RYR2: variants seen among roughly 807,000 people sequenced by gnomAD.
RYR2 encodes ryanodine receptor 2.
Under a neutral mutation model 601.1 loss-of-function variants are expected in RYR2, and 227 were observed. The observed-to-expected ratio is 0.38, with a 90% CI of 0.34 to 0.42. The LOEUF (loss-of-function observed/expected upper bound fraction) is 0.42. Among genes scored for constraint, RYR2 ranks in the 10% least tolerant of loss-of-function variants. The pLI, the probability that RYR2 is intolerant of heterozygous loss-of-function variation, is 1.00. For synonymous variants in RYR2, 2,223 were observed against 2,175.1 expected (o/e 1.02, Z -0.61); for missense variants, 4,646 against 6,156.5 (o/e 0.75, Z 8.21).
chr1:237,665,980 G>T (rs950513595), intron 56 of RYR2, among the ~76,000 whole-genome samples: 1 of 142,600 alleles, frequency 7.0e-6, no homozygotes, highest in African/African-American at 2.5e-5. Flanking sequence ...TGATAAAGAG[G>T]TATATTTCAT....
At chr1:237,756,513 C>T (rs1692967571) in intron 81 of RYR2, 126 bp downstream of exon 81, 1 of 571,196 alleles carries the variant, frequency 1.8e-6, no homozygotes, top group East Asian at 2.9e-5. Flanking sequence ...ATGACTATAT[C>T]AGGTGCCTAT....
chr1:237,301,199 G>A (rs555582116), intron 2 of RYR2, among the ~76,000 whole-genome samples: 2 of 151,976 alleles, frequency 1.3e-5, no homozygotes, highest in South Asian at 4.1e-4. Flanking sequence ...ATTCTACTTA[G>A]AGACTGAAAA....
chr1:237,374,664 A>G, intron 6 of RYR2, 53 bp from the exon 7 acceptor site: 3 of 1,470,488 alleles, frequency 2.0e-6, no homozygotes, highest in Admixed American at 3.8e-5. Context: ...CTCAAACACA[A>G]ACAACAGACG....
chr1:237,793,224 T>A (rs746247174), intron 94 of RYR2, among the ~76,000 whole-genome samples: 15 of 152,200 alleles, frequency 9.9e-5, no homozygotes, highest in Non-Finnish European at 2.2e-4. Context: ...TTCCTCCCGT[T>A]TATTCTGTTT....
At chr1:237,438,586 T>C (rs556718094) in intron 12 of RYR2, among the ~76,000 whole-genome samples, 6 of 152,330 alleles carry the variant, frequency 3.9e-5, no homozygotes, top group African/African-American at 1.4e-4. Flanking sequence ...CCAGCATACA[T>C]AGTCAGCAGA....
intron 1 of RYR2, among the ~76,000 whole-genome samples, chr1:237,208,966 A>ATATATATATATATATG (rs1682186183): frequency 9.4e-6 from 1 of 105,910 alleles, no homozygotes; most frequent in African/African-American, 3.2e-5. Context: ...ATATATATAT[A>ATATATATATATATATG]TATATATATA....
intron 35 of RYR2, among the ~76,000 whole-genome samples, chr1:237,604,173 T>C (rs1220398814): frequency 5.9e-5 from 9 of 152,142 alleles, no homozygotes; most frequent in African/African-American, 1.9e-4. Context: ...TAGTTGGAAG[T>C]AAAGCACTCC....
At chr1:237,217,452 A>G (rs1456173097) in intron 1 of RYR2, among the ~76,000 whole-genome samples, 1 of 152,160 alleles carries the variant, frequency 6.6e-6, no homozygotes, top group Non-Finnish European at 1.5e-5. Flanking sequence ...TGGTGGCTAA[A>G]AATGTCAGTT....
intron 22 of RYR2, among the ~76,000 whole-genome samples, chr1:237,506,162 CTTT>C (rs35038087): frequency 7.0e-6 from 1 of 142,332 alleles, no homozygotes. Context: ...ACCAACACTC[CTTT>C]TTTTTTTTTT....
intron 1 of RYR2, among the ~76,000 whole-genome samples, chr1:237,112,435 C>T (rs1669592939): frequency 6.6e-6 from 1 of 152,166 alleles, no homozygotes. Flanking sequence ...TTTTATCTCT[C>T]TGCTCTTTAG....
intron 16 of RYR2, among the ~76,000 whole-genome samples, chr1:237,463,773 C>T (rs1032950662): frequency 6.6e-6 from 1 of 152,070 alleles, no homozygotes; most frequent in South Asian, 2.1e-4. Context: ...TGTTTTTGTA[C>T]CTTGACGCAC....
At position 237,784,213 on chromosome 1, in the gene RYR2, G is replaced by A; in HGVS notation, c.12501G>A (p.Glu4167=). The change falls in exon 90 of 105, where the codon GAG becomes GAA. Residue 4167 remains glutamate, a synonymous_variant. Transcript: ENST00000366574. The surrounding 1 kb of genome is among the most constrained non-coding windows in gnomAD (Gnocchi z 7.1). ...AGTGGGAGAAGCCCCAGGTCAAGGA[G>A]TCCAAAAGACAGTTCATATTTGACG... ...RTQWEKPQVK[E]SKRQFIFDVV... is the part of the protein sequence containing the mutation. The A allele has an allele frequency of 6.2e-7, 1 of 1,614,024 alleles. No homozygotes were observed. Among genetic ancestry groups the A allele is most frequent in the Non-Finnish European group, 8.5e-7 (1 of 1,179,900 alleles).
intron 4 of RYR2, among the ~76,000 whole-genome samples, chr1:237,360,003 T>G (rs1018427569): frequency 1.3e-5 from 2 of 152,202 alleles, no homozygotes; most frequent in African/African-American, 4.8e-5. Context: ...GTCTTACACA[T>G]GTATTTTCTC....
At chr1:237,729,251 TA>T (rs1229965654) in intron 76 of RYR2, among the ~76,000 whole-genome samples, 6 of 152,198 alleles carry the variant, frequency 3.9e-5, no homozygotes, top group Non-Finnish European at 8.8e-5. Context: ...GAAACACACT[TA>T]AACTCATTTA....
At position 237,548,577 on chromosome 1, in the gene RYR2, A is replaced by G; in HGVS notation, c.3053A>G (p.Tyr1018Cys). ...ARDRIRQGWT[Y>C]GIQQDVKNRR... Reference sequence around the variant, plus strand: ...GATCGAATCCGGCAGGGCTGGACTTATGGCATCCAACAGGTACATGGGAAT... The same window carrying G: ...GATCGAATCCGGCAGGGCTGGACTTGTGGCATCCAACAGGTACATGGGAAT... Residue 1018 changes from tyrosine (Y) to cysteine (C), a missense_variant, in exon 26 of 105, where the codon TAT becomes TGT. Tyr to Cys is a radical substitution (Grantham distance 194). Coordinates refer to ENST00000366574, the MANE Select transcript of RYR2 (RefSeq NM_001035.3). 6.2e-7 allele frequency: 1 copy of G among 1,613,904 alleles called. No homozygotes were observed. Among genetic ancestry groups the G allele is most frequent in the Non-Finnish European group, 8.5e-7 (1 of 1,179,856 alleles).
chr1:237,419,661 G>T (rs1396853690), intron 11 of RYR2, among the ~76,000 whole-genome samples: 1 of 152,062 alleles, frequency 6.6e-6, no homozygotes, highest in African/African-American at 2.4e-5. Flanking sequence ...GAGATGTTTT[G>T]TTCTTCTCTC....
At chr1:237,511,477 A>G (rs1229269357) in intron 23 of RYR2, among the ~76,000 whole-genome samples, 3 of 151,978 alleles carry the variant, frequency 2.0e-5, no homozygotes, top group Non-Finnish European at 4.4e-5. Context: ...AGCTCTGTCA[A>G]ACAGAAGGGA....
chr1:237,071,463 A>G (rs1006185464), intron 1 of RYR2, among the ~76,000 whole-genome samples: 3 of 152,076 alleles, frequency 2.0e-5, no homozygotes, highest in South Asian at 4.1e-4. Context: ...ACCTCAGGTG[A>G]TCCACCTGCC....
chr1:237,166,118 C>T (rs1676690302), intron 1 of RYR2, among the ~76,000 whole-genome samples: 1 of 152,208 alleles, frequency 6.6e-6, no homozygotes. Flanking sequence ...CAGGCCACCA[C>T]TGGGTGTTTA....
Sources: gnomAD v4.1 joint callset for allele counts (sites outside exome capture counted in the v4.1 genomes callset) on GRCh38, gnomAD v4.1.1 for gene constraint, Gnocchi (gnomAD v3.1) non-coding constraint, MANE v1.5 for transcripts, NCBI Gene and HGNC (gene_info 2026-07-23, HGNC 2026-07-21) for gene names.